Variants in USP22 observed in about 807,000 individuals in gnomAD.
USP22 encodes ubiquitin carboxyl-terminal hydrolase 22.
Under a neutral mutation model 68.1 loss-of-function variants are expected in USP22, and 22 were observed. The ratio of observed to expected loss-of-function variants is 0.32; its 90% CI spans 0.23 to 0.46. The LOEUF (loss-of-function observed/expected upper bound fraction) is 0.46. USP22 is among the 20% of genes least tolerant of loss of function. The pLI is 1.00. For missense variants in USP22, 433 were observed against 695.8 expected, an observed-to-expected ratio of 0.62 and a Z score of 4.25; for synonymous variants, 279 against 274.2, an observed-to-expected ratio of 1.02 and a Z score of -0.17.
chr17:21,025,539 T>C (rs1972208807), intron 2 of USP22, among the ~76,000 whole-genome samples: 1 of 152,122 alleles, frequency 6.6e-6, no homozygotes, highest in African/African-American at 2.4e-5. Context: ...CCCCTAGAAT[T>C]ACACACAATG....
rs1913516954 is a variant in USP22 at position 21,000,298 on chromosome 17, A to G, written c.*2733T>C. 6.6e-6 allele frequency: 1 copy of G among 152,226 alleles called. No individual in the cohort carries two copies. The highest frequency in any genetic ancestry group is 2.4e-5 in the African/African-American group (1 of 41,448). The allele number at this position is 152,226 out of a possible 1,614,324, so 9.4% of individuals were successfully genotyped here. A position where few individuals can be genotyped will look rare whatever the true frequency, so the allele number is the denominator to read the frequency against. On this transcript the variant is annotated 3_prime_UTR_variant, in exon 13 of 13. Coordinates refer to ENST00000261497, the MANE Select transcript of USP22 (RefSeq NM_015276.2). ...CAACGCGTAAATATTTTGTTCTGAC[A>G]AAGTAAATTCACAAGAACACATCAA...
At chr17:21,040,325 TAG>T (rs1972410303) in intron 1 of USP22, among the ~76,000 whole-genome samples, 2 of 152,196 alleles carry the variant, frequency 1.3e-5, no homozygotes, top group Non-Finnish European at 2.9e-5. Flanking sequence ...ACTGGGCCAC[TAG>T]AGAGTGCTAG....
intron 8 of USP22, among the ~76,000 whole-genome samples, chr17:21,008,518 G>C (rs1345364112): frequency 6.6e-6 from 1 of 152,192 alleles, no homozygotes; most frequent in Non-Finnish European, 1.5e-5. Context: ...CAATCTCAAA[G>C]GGTTCCGTTA....
chr17:21,022,813 A>AC (rs397762605), intron 2 of USP22, among the ~76,000 whole-genome samples: 4 of 114,908 alleles, frequency 3.5e-5, no homozygotes, highest in Non-Finnish European at 8.8e-5. Flanking sequence ...AAAAAAAAAA[A>AC]CCAAATGAAC....
At position 21,042,760 on chromosome 17, in the gene USP22, G is replaced by C; in HGVS notation, c.76C>G (p.Leu26Val). The stretch of plus-strand genomic sequence containing the variant: ...CAGTTGTCCACCTTGAAGCTGCCCA[G>C]GTGCGAGCAGCCCGGCGGCGCTACC... ...LAVAPPGCSH[L>V]GSFKVDNWKQ... Residue 26 changes from leucine to valine, a missense_variant, in exon 1 of 13, where the codon CTG becomes GTG. Transcript: ENST00000261497. The C allele has an allele frequency of 1.3e-6, 2 of 1,498,898 alleles. No homozygotes were observed. The highest frequency in any genetic ancestry group is 1.8e-6 in the Non-Finnish European group (2 of 1,126,098). The allele number at this position is 1,498,898 out of a possible 1,614,324, so 92.8% of individuals were successfully genotyped here.
intron 1 of USP22, among the ~76,000 whole-genome samples, chr17:21,031,161 T>C (rs1275870404): frequency 6.6e-6 from 1 of 152,240 alleles, no homozygotes; most frequent in Non-Finnish European, 1.5e-5. Flanking sequence ...ATTGAACACA[T>C]GTACCCTACA....
chr17:21,007,058 T>G (rs1047238197), intron 9 of USP22, 71 bp from the exon 10 acceptor site: 69 of 1,303,032 alleles, frequency 5.3e-5, no homozygotes, highest in Non-Finnish European at 6.8e-5. Context: ...CTTCAGGGCC[T>G]TCTTCTGATG....
In USP22 at chr17:21,002,912, G is replaced by T; in HGVS notation, c.*119C>A. ...CAGAGGGGCCACATCTGCATGGGAG[G>T]TGGTGTCACCAGGCCGGGGAGGCGG... On this transcript the variant is annotated 3_prime_UTR_variant, in exon 13 of 13. Transcript: ENST00000261497. The T allele has an allele frequency of 1.6e-6, 2 of 1,231,382 alleles. No homozygotes were observed. Among genetic ancestry groups the T allele is most frequent in the Non-Finnish European group, 2.4e-6 (2 of 849,354 alleles). The allele number at this position is 1,231,382 out of a possible 1,614,324, so 76.3% of individuals were successfully genotyped here. A position where few individuals can be genotyped will look rare whatever the true frequency, so the allele number is the denominator to read the frequency against.
In USP22 at chr17:21,032,922, C is replaced by CA. The variant is rs753804890; in HGVS notation, c.172-4249dup. Among the ~76,000 whole-genome samples the CA allele has an allele frequency of 8.6e-3, 788 of 91,474 alleles. 22 individuals carry two copies. Among genetic ancestry groups the CA allele is most frequent in the East Asian group, 0.077 (146 of 1,902 alleles). The allele number at this position is 91,474 out of a possible 152,430, so 60.0% of individuals were successfully genotyped here. On this transcript the variant is annotated intron_variant, in intron 1 of 12. Coordinates refer to ENST00000261497, the MANE Select transcript of USP22 (RefSeq NM_015276.2). ...TGAGCAACAGAACCAGACCCTGTCT[C>CA]AAAAAAAAAAAAAAAAAAAAAAAAA...
intron 2 of USP22, among the ~76,000 whole-genome samples, chr17:21,028,074 C>T (rs569560213): frequency 6.6e-6 from 1 of 152,316 alleles, no homozygotes; most frequent in East Asian, 1.9e-4. Context: ...CTTGAGGCCA[C>T]ACACAGTGCT....
intron 9 of USP22, 32 bp from the exon 10 acceptor site, chr17:21,007,019 G>C: frequency 1.9e-6 from 3 of 1,548,224 alleles, no homozygotes; most frequent in Non-Finnish European, 2.6e-6. Context: ...AGAGGGAAGA[G>C]GAAAGAAGAT....
intron 1 of USP22, among the ~76,000 whole-genome samples, chr17:21,041,859 A>G (rs1456193867): frequency 6.6e-6 from 1 of 152,150 alleles, no homozygotes; most frequent in Non-Finnish European, 1.5e-5. Flanking sequence ...GAGGGGACTC[A>G]CTCCTGGTTA....
intron 8 of USP22, among the ~76,000 whole-genome samples, chr17:21,008,709 C>T (rs1474576965): frequency 6.6e-6 from 1 of 152,086 alleles, no homozygotes; most frequent in African/African-American, 2.4e-5. Context: ...AGGTCACCAT[C>T]GGGGGACCGG....
chr17:21,005,853 CAAAGT>C (rs748268892), intron 10 of USP22, among the ~76,000 whole-genome samples: 1 of 152,164 alleles, frequency 6.6e-6, no homozygotes, highest in Non-Finnish European at 1.5e-5. Context: ...TGCAGAGACT[CAAAGT>C]AAAGATGTTG....
chr17:21,008,885 G>A (rs1913859606), intron 8 of USP22, among the ~76,000 whole-genome samples: 1 of 152,080 alleles, frequency 6.6e-6, no homozygotes, highest in South Asian at 2.1e-4. Flanking sequence ...GAGGTTGGAA[G>A]TTCAAGACCA....
upstream of USP22, chr17:21,043,409 T>G (rs1221406092): frequency 4.1e-5 from 15 of 362,068 alleles, no homozygotes; most frequent in East Asian, 6.8e-4. Flanking sequence ...CCCTGTCTCT[T>G]CCAGAGGACT....
At position 21,003,129 on chromosome 17, in the gene USP22, G is replaced by A. The variant is rs532573093; in HGVS notation, c.1536-56C>T. ...CCTCTAACTCCTAAGACAGGAGCCA[G>A]AACAACCCACCCTACACAAAAGCCT... On this transcript the variant is annotated intron_variant, in intron 12 of 12. Coordinates refer to ENST00000261497, the MANE Select transcript of USP22 (RefSeq NM_015276.2). 4.4e-6 allele frequency: 7 copies of A among 1,599,966 alleles called. No homozygotes were observed. In the African/African-American group the frequency reaches 8.0e-5, roughly 18 times the overall value.
intron 8 of USP22, 50 bp downstream of exon 8, chr17:21,011,101 G>GC: frequency 6.5e-7 from 1 of 1,531,782 alleles, no homozygotes; most frequent in Non-Finnish European, 8.8e-7. Context: ...ATGGAGCACA[G>GC]CCTTCTGGCC....
chr17:21,031,586 GTC>G (rs1392590953), intron 1 of USP22, among the ~76,000 whole-genome samples: 1 of 146,086 alleles, frequency 6.8e-6, no homozygotes, highest in Non-Finnish European at 1.5e-5. Context: ...CTCCATTATA[GTC>G]TCTCTCTACT....
Sources: gnomAD v4.1 joint callset for allele counts (sites outside exome capture counted in the v4.1 genomes callset) on GRCh38, gnomAD v4.1.1 for gene constraint, MANE v1.5 for transcripts, NCBI Gene and HGNC (gene_info 2026-07-23, HGNC 2026-07-21) for gene names.